Variants in PPM1L observed in about 807,000 individuals in gnomAD.
PPM1L encodes protein phosphatase, Mg2+/Mn2+ dependent 1L, also known as protein phosphatase 1L.
In PPM1L, 13 loss-of-function variants were observed where a neutral mutation model predicts 31.4. The observed-to-expected ratio is 0.41, with a 90% CI of 0.27 to 0.66. PPM1L has a LOEUF of 0.66. Ranked by LOEUF, PPM1L falls within the 30% of genes least tolerant of loss-of-function variation. The pLI is 0.29. For synonymous variants in PPM1L, 184 were observed against 175.4 expected, an observed-to-expected ratio of 1.05 and a Z score of -0.39; for missense variants, 326 against 453.7, an observed-to-expected ratio of 0.72 and a Z score of 2.56.
intron 1 of PPM1L, among the ~76,000 whole-genome samples, chr3:160,955,647 A>G (rs1341873080): frequency 6.9e-6 from 1 of 144,096 alleles, no homozygotes; most frequent in Non-Finnish European, 1.5e-5. Context: ...GCTGGCTAAC[A>G]AGTTTTCTTT....
intron 2 of PPM1L, among the ~76,000 whole-genome samples, chr3:161,026,697 CA>C (rs5853919): frequency 0.66 from 86,923 of 131,696 alleles, 28,594 homozygotes; most frequent in East Asian, 0.97. Context: ...GACTCTGTCT[CA>C]AAAAAAAAAA....
chr3:160,977,552 C>T (rs1716637633), intron 2 of PPM1L, among the ~76,000 whole-genome samples: 1 of 152,176 alleles, frequency 6.6e-6, no homozygotes. Context: ...TTACCTGAGT[C>T]ACTCTGATTT....
At chr3:160,763,476 A>G (rs1715022222) in intron 1 of PPM1L, among the ~76,000 whole-genome samples, 1 of 152,242 alleles carries the variant, frequency 6.6e-6, no homozygotes, top group African/African-American at 2.4e-5. Context: ...ACCATTATGG[A>G]TAACACATTG....
At chr3:160,839,827 G>T (rs1027439967) in intron 1 of PPM1L, among the ~76,000 whole-genome samples, 33 of 152,270 alleles carry the variant, frequency 2.2e-4, no homozygotes, top group African/African-American at 7.2e-4. Flanking sequence ...CTAGACTATA[G>T]CAAACTGGTC....
intron 1 of PPM1L, among the ~76,000 whole-genome samples, chr3:160,816,832 G>T (rs1407934181): frequency 6.6e-6 from 1 of 152,000 alleles, no homozygotes; most frequent in African/African-American, 2.4e-5. Flanking sequence ...GAATTGCACT[G>T]AGAACCTTGG....
Position 160,954,956 on chromosome 3 carries a change from C to CTTCCTTCCT in PPM1L, c.400-6774_400-6773insCCTTTCCTT, listed in dbSNP as rs1553749482. Among the ~76,000 whole-genome samples the CTTCCTTCCT allele has an allele frequency of 3.8e-3, 297 of 77,398 alleles. 2 individuals are homozygous for CTTCCTTCCT. The highest frequency in any genetic ancestry group is 0.017 in the African/African-American group (271 of 15,814). 50.8% of individuals were successfully genotyped at this position (77,398 alleles called of 152,430 possible). A position where few individuals can be genotyped will look rare whatever the true frequency, so the allele number is the denominator to read the frequency against. On this transcript the variant is annotated intron_variant, in intron 1 of 3. Coordinates refer to ENST00000498165, the MANE Select transcript of PPM1L (RefSeq NM_139245.4). ...CCTTCCTTCCTTCCTTCCTTCCTTC[C>CTTCCTTCCT]TTCCTTTCCTTTCCTTTCCTTTCCT...
rs573110875 is a variant in PPM1L, at chr3:160,931,372, C to T, written c.400-30364C>T. Among the ~76,000 whole-genome samples, 5 of 152,276 alleles carry T rather than the reference C, an allele frequency of 3.3e-5. 1 individual carries two copies. The highest frequency in any genetic ancestry group is 9.6e-5 in the African/African-American group (4 of 41,564). On this transcript the variant is annotated intron_variant, in intron 1 of 3. Coordinates refer to ENST00000498165, the MANE Select transcript of PPM1L (RefSeq NM_139245.4). The stretch of plus-strand genomic sequence containing the variant: ...ATCAAATGGGAAGCTGCACCCATCA[C>T]CTGGAATCCACACGTCCTCATTTAT...
At chr3:160,978,091 A>G (rs764019404) in intron 2 of PPM1L, among the ~76,000 whole-genome samples, 9 of 152,204 alleles carry the variant, frequency 5.9e-5, no homozygotes, top group Non-Finnish European at 1.2e-4. Context: ...GAAACCTACT[A>G]TGAGGACACT....
intron 2 of PPM1L, among the ~76,000 whole-genome samples, chr3:161,039,623 T>C (rs894190650): frequency 9.2e-5 from 14 of 152,144 alleles, no homozygotes; most frequent in Middle Eastern, 3.4e-3. Flanking sequence ...CCCGGTTTCA[T>C]GCCATTCTCC....
At chr3:160,919,126 A>G (rs927661929) in intron 1 of PPM1L, among the ~76,000 whole-genome samples, 1 of 152,228 alleles carries the variant, frequency 6.6e-6, no homozygotes, top group Admixed American at 6.5e-5. Flanking sequence ...AATCATTAAT[A>G]TTATTTAGTT....
chr3:161,019,268 A>G (rs114642115), intron 2 of PPM1L, among the ~76,000 whole-genome samples: 2,813 of 143,208 alleles, frequency 0.02, 78 homozygotes, highest in African/African-American at 0.065. Flanking sequence ...ATCATAGCTC[A>G]TTGCAGTCTC....
chr3:160,791,222 T>A (rs977442539), intron 1 of PPM1L, among the ~76,000 whole-genome samples: 2 of 152,150 alleles, frequency 1.3e-5, no homozygotes, highest in East Asian at 3.8e-4. Flanking sequence ...TGGGTTTATA[T>A]GTCAAAGAAG....
chr3:160,899,182 A>AG (rs1201283171), intron 1 of PPM1L, among the ~76,000 whole-genome samples: 1 of 152,164 alleles, frequency 6.6e-6, no homozygotes. Flanking sequence ...AGAAAATGGC[A>AG]GGGCTAAAAT....
chr3:160,966,026 T>A (rs1716132072), intron 2 of PPM1L, among the ~76,000 whole-genome samples: 1 of 151,992 alleles, frequency 6.6e-6, no homozygotes, highest in South Asian at 2.1e-4. Context: ...AATACATATA[T>A]ACCTTAATGC....
chr3:160,853,064 T>C (rs183359491), intron 1 of PPM1L, among the ~76,000 whole-genome samples: 49 of 152,296 alleles, frequency 3.2e-4, no homozygotes, highest in Non-Finnish European at 5.9e-5. Flanking sequence ...AGGTAGCTTC[T>C]GGCATTCCTT....
intron 2 of PPM1L, among the ~76,000 whole-genome samples, chr3:161,041,246 C>T (rs923840783): frequency 3.3e-5 from 5 of 152,226 alleles, no homozygotes; most frequent in Non-Finnish European, 7.3e-5. Context: ...CCTCCCCCCA[C>T]TGGCCCCGCC....
At chr3:160,930,869 C>G (rs2108079060) in intron 1 of PPM1L, among the ~76,000 whole-genome samples, 1 of 152,176 alleles carries the variant, frequency 6.6e-6, no homozygotes, top group African/African-American at 2.4e-5. Flanking sequence ...AATTCCATAC[C>G]TAAGTCTTCA....
chr3:160,821,657 G>A (rs1713205890), intron 1 of PPM1L, among the ~76,000 whole-genome samples: 1 of 152,036 alleles, frequency 6.6e-6, no homozygotes, highest in Non-Finnish European at 1.5e-5. Context: ...AGTGGACGTA[G>A]GATTCAGCTT....
At chr3:160,915,954 C>A (rs1484088624) in intron 1 of PPM1L, among the ~76,000 whole-genome samples, 1 of 152,126 alleles carries the variant, frequency 6.6e-6, no homozygotes, top group Non-Finnish European at 1.5e-5. Flanking sequence ...ACCATAAAAA[C>A]CCTTGAAGAA....
Sources: allele counts gnomAD v4.1 joint callset (sites outside exome capture counted in the v4.1 genomes callset), GRCh38; gene constraint gnomAD v4.1.1; transcripts MANE v1.5; gene names NCBI Gene and HGNC (gene_info 2026-07-23, HGNC 2026-07-21).